PCDH10: variants seen among roughly 807,000 people sequenced by gnomAD.
PCDH10 encodes the protein protocadherin 10.
Under a neutral mutation model 74.4 loss-of-function variants are expected in PCDH10, and 15 were observed. The ratio of observed to expected loss-of-function variants is 0.20; its 90% CI spans 0.13 to 0.31. The LOEUF is 0.31. Among genes scored for constraint, PCDH10 ranks in the 10% least tolerant of loss-of-function variants. PCDH10 has a pLI of 1.00. For missense variants in PCDH10, 1,260 were observed against 1,390.2 expected, an observed-to-expected ratio of 0.91 and a Z score of 1.49; for synonymous variants, 619 against 589.8, an observed-to-expected ratio of 1.05 and a Z score of -0.72.
At chr4:133,170,974 G>A (rs994040992) in intron 4 of PCDH10, among the ~76,000 whole-genome samples, 4 of 151,414 alleles carry the variant, frequency 2.6e-5, no homozygotes, top group Non-Finnish European at 5.9e-5. Flanking sequence ...CCTCGCCCAG[G>A]TAGTCTATTT....
rs762478061 is a variant in PCDH10, at chr4:133,152,619, C to T, written c.2479C>T (p.Pro827Ser). The T allele has an allele frequency of 6.2e-7, 1 of 1,614,224 alleles. No homozygotes were observed. Among genetic ancestry groups the T allele is most frequent in the South Asian group, 1.1e-5 (1 of 91,080 alleles). The change falls in exon 1 of 5, where the codon CCT becomes TCT. Residue 827 changes from proline to serine, a missense_variant. Around this residue, in one of 11 missense-constraint regions of PCDH10, gnomAD observed 587 missense variants for 616.9 expected, o/e 0.95. Coordinates refer to ENST00000264360, the MANE Select transcript of PCDH10 (RefSeq NM_032961.3). ...TTACTGCTATCAGGTATGCCTGACC[C>T]CTGAGTCCGCCAAGACCGACCTGAT... ...QNYCYQVCLT[P>S]ESAKTDLMFL...
chr4:133,208,582 AT>A (rs1333038927), exon 3 of PCDH10: 2 of 152,218 alleles, frequency 1.3e-5, no homozygotes, highest in Non-Finnish European at 2.9e-5. Context: ...CTTAAAAAAA[AT>A]AAAGCTGTAC....
chr4:133,150,970 C>A lies in PCDH10; in HGVS notation c.830C>A (p.Pro277Gln). The A allele has an allele frequency of 6.2e-7, 1 of 1,613,888 alleles. No homozygotes were observed. The highest frequency in any genetic ancestry group is 8.5e-7 in the Non-Finnish European group (1 of 1,179,996). ...GTGATCCAGCTCAACGCCACCGACC[C>A]GGACGAGGGCCAGAACGGTGAGGTC... ...TLVIQLNATDPDEGQNGEVVY... is the reference protein window; with the variant it reads ...TLVIQLNATDQDEGQNGEVVY... Residue 277 changes from proline to glutamine, a missense_variant, in exon 1 of 5, where the codon CCG (proline) becomes CAG (glutamine). Around this residue, in one of 11 missense-constraint regions of PCDH10, gnomAD observed 192 missense variants for 161.2 expected, o/e 1.19. Transcript: ENST00000264360.
intron 4 of PCDH10, among the ~76,000 whole-genome samples, chr4:133,186,306 A>G (rs1727540671): frequency 6.6e-6 from 1 of 152,136 alleles, no homozygotes; most frequent in South Asian, 2.1e-4. Flanking sequence ...AATGCACTGA[A>G]TGAATAAAAT....
chr4:133,170,050 C>T (rs370868911), intron 4 of PCDH10, among the ~76,000 whole-genome samples: 2 of 151,862 alleles, frequency 1.3e-5, no homozygotes, highest in Non-Finnish European at 2.9e-5. Flanking sequence ...TCCTAGTCAC[C>T]GTAAAGCTTG....
rs1010246262 is a variant in PCDH10, at chr4:133,190,853, G to A, written c.*693G>A. The A allele has an allele frequency of 4.6e-5, 7 of 151,756 alleles. No individual in the cohort carries two copies. The highest frequency in any genetic ancestry group is 1.7e-4 in the African/African-American group (7 of 41,296). 9.4% of individuals were successfully genotyped at this position (151,756 alleles called of 1,614,324 possible). A position where few individuals can be genotyped will look rare whatever the true frequency, so the allele number is the denominator to read the frequency against. ...TCCACATCATACAATAAAATAAAAGGTAATTCAGGGTCCCAAAGACAAACT... is the reference window on the plus strand; with the variant it reads ...TCCACATCATACAATAAAATAAAAGATAATTCAGGGTCCCAAAGACAAACT... On this transcript the variant is annotated 3_prime_UTR_variant, in exon 5 of 5. Coordinates refer to ENST00000264360, the MANE Select transcript of PCDH10 (RefSeq NM_032961.3).
At chr4:133,153,099 G>C in intron 1 of PCDH10, 2 of 1,326,106 alleles carry the variant, frequency 1.5e-6, no homozygotes, top group Non-Finnish European at 1.9e-6. Flanking sequence ...AAGGGAGAGG[G>C]AAATGTGGAG....
intron 4 of PCDH10, among the ~76,000 whole-genome samples, chr4:133,178,152 GA>G (rs148692639): frequency 0.21 from 32,427 of 151,828 alleles, 3,662 homozygotes; most frequent in African/African-American, 0.25. Flanking sequence ...GAAACATTTT[GA>G]ATAATAATAC....
intron 2 of PCDH10, among the ~76,000 whole-genome samples, chr4:133,205,653 C>A (rs1001638557): frequency 6.6e-6 from 1 of 152,054 alleles, no homozygotes; most frequent in Admixed American, 6.5e-5. Flanking sequence ...GGATGCTGAA[C>A]CTCCTCTACT....
chr4:133,156,707 C>G (rs1471409414), intron 3 of PCDH10, among the ~76,000 whole-genome samples: 1 of 152,158 alleles, frequency 6.6e-6, no homozygotes, highest in East Asian at 1.9e-4. Context: ...TTTCCCACCC[C>G]ACACGCCCCG....
At chr4:133,170,644 T>A (rs190384890) in intron 4 of PCDH10, among the ~76,000 whole-genome samples, 2 of 152,248 alleles carry the variant, frequency 1.3e-5, no homozygotes, top group East Asian at 3.9e-4. Flanking sequence ...AGTATGGTGC[T>A]TGTTGAGAAA....
rs762547759 is a variant in PCDH10, at chr4:133,152,521, A to G, written c.2381A>G (p.Asn794Ser). 55 of 1,614,030 alleles carry G rather than the reference A, an allele frequency of 3.4e-5. No individual in the cohort carries two copies. Among genetic ancestry groups the G allele is most frequent in the African/African-American group, 1.1e-4 (8 of 74,938 alleles). ...GACATCATGCTGGTGCAGAGCTCCA[A>G]TGTACCCAGTAACCCGGCCCAGGTG... ...KSDIMLVQSSNVPSNPAQVPI... is the reference protein window; with the variant it reads ...KSDIMLVQSSSVPSNPAQVPI... Residue 794 changes from asparagine to serine, a missense_variant, in exon 1 of 5, where the codon AAT becomes AGT. Physicochemically the swap from Asn to Ser is conservative, Grantham distance 46 (BLOSUM62 1). Transcript: ENST00000264360.
chr4:133,170,817 C>A (rs966070332), intron 4 of PCDH10, among the ~76,000 whole-genome samples: 2 of 136,878 alleles, frequency 1.5e-5, no homozygotes, highest in Non-Finnish European at 3.0e-5. Context: ...ATCAGCCTCC[C>A]GAGTAGCTGG....
chr4:133,165,278 C>T (rs181479151), intron 4 of PCDH10, among the ~76,000 whole-genome samples: 11 of 146,236 alleles, frequency 7.5e-5, no homozygotes, highest in African/African-American at 2.3e-4. Flanking sequence ...GTTCTTCATA[C>T]GACTTTAATC....
intron 4 of PCDH10, among the ~76,000 whole-genome samples, chr4:133,177,535 A>G (rs1727319691): frequency 6.6e-6 from 1 of 152,136 alleles, no homozygotes; most frequent in Non-Finnish European, 1.5e-5. Context: ...TGCCCAAATA[A>G]CAAGAGACCT....
chr4:133,199,766 TTATTATTATTATTATTATTAC>T (rs1727865212), intron 2 of PCDH10, among the ~76,000 whole-genome samples: 1 of 143,726 alleles, frequency 7.0e-6, no homozygotes, highest in Admixed American at 7.0e-5. Flanking sequence ...TTTTTAATTA[TTATTATTATTATTATTATTAC>T]TATTATTATT....
At chr4:133,200,244 A>T (rs1727877779) in intron 2 of PCDH10, among the ~76,000 whole-genome samples, 1 of 152,006 alleles carries the variant, frequency 6.6e-6, no homozygotes. Flanking sequence ...TAAATATATC[A>T]TATGTAAATT....
intron 4 of PCDH10, among the ~76,000 whole-genome samples, chr4:133,177,317 GCTTT>G (rs1209208116): frequency 2.0e-5 from 3 of 152,008 alleles, no homozygotes; most frequent in Non-Finnish European, 2.9e-5. Context: ...CTCACAATCA[GCTTT>G]CTATTTATAT....
intron 4 of PCDH10, among the ~76,000 whole-genome samples, chr4:133,175,186 T>C (rs979982145): frequency 2.6e-5 from 4 of 152,118 alleles, no homozygotes; most frequent in African/African-American, 9.6e-5. Flanking sequence ...TCTAATCTTT[T>C]AAGTTTCTTC....
Sources: gnomAD v4.1 joint callset for allele counts (sites outside exome capture counted in the v4.1 genomes callset) on GRCh38, gnomAD v4.1.1 for gene constraint, gnomAD v4.1.1 regional missense constraint, MANE v1.5 for transcripts, NCBI Gene and HGNC (gene_info 2026-07-23, HGNC 2026-07-21) for gene names.